SPECC1: variants seen among roughly 807,000 people sequenced by gnomAD.
SPECC1 encodes the protein cytospin-B.
In SPECC1, 62 loss-of-function variants were observed where a neutral mutation model predicts 104.1. That is an observed-to-expected ratio of 0.60 (90% CI 0.49 to 0.74). SPECC1 has a LOEUF of 0.74. SPECC1 is among the 30% of genes least tolerant of loss of function. The probability of loss-of-function intolerance (pLI) is 0.00; values close to 1 mark genes in which losing one functional copy is unlikely to be tolerated. For synonymous variants in SPECC1, 513 were observed against 501.6 expected, an observed-to-expected ratio of 1.02 and a Z score of -0.30; for missense variants, 1,306 against 1,310.5, an observed-to-expected ratio of 1.00 and a Z score of 0.05.
intron 1 of SPECC1, chr17:20,056,336 A>C: frequency 5.3e-6 from 1 of 189,710 alleles, no homozygotes; most frequent in Non-Finnish European, 1.1e-5. Flanking sequence ...GGGAACCCGC[A>C]GAAGCCTGCA....
chr17:20,162,530 G>C (rs192873498), intron 3 of SPECC1, among the ~76,000 whole-genome samples: 8 of 151,614 alleles, frequency 5.3e-5, no homozygotes, highest in Admixed American at 4.0e-4. Flanking sequence ...GATTGTTGTG[G>C]TGATTCATAG....
At chr17:20,257,353 A>C in intron 10 of SPECC1, 98 bp from the exon 11 acceptor site, 1 of 1,355,074 alleles carries the variant, frequency 7.4e-7, no homozygotes, top group Non-Finnish European at 9.9e-7. Context: ...TTTGCACTTG[A>C]GGATAAAATG....
intron 3 of SPECC1, among the ~76,000 whole-genome samples, chr17:20,140,210 A>G (rs2030600927): frequency 6.6e-6 from 1 of 152,190 alleles, no homozygotes; most frequent in South Asian, 2.1e-4. Flanking sequence ...ATATAACTGC[A>G]CATTTGTTCA....
chr17:20,220,537 T>C (rs2037807157), intron 4 of SPECC1, among the ~76,000 whole-genome samples: 1 of 150,648 alleles, frequency 6.6e-6, no homozygotes, highest in Non-Finnish European at 1.5e-5. Flanking sequence ...GCAACTTCAC[T>C]GAATTTATCA....
rs781646291 is a variant in SPECC1 at position 20,110,493 on chromosome 17, C to T, written c.214C>T (p.Arg72Cys). The T allele has an allele frequency of 1.5e-5, 24 of 1,613,866 alleles. 1 individual carries two copies. Among genetic ancestry groups the T allele is most frequent in the Admixed American group, 6.7e-5 (4 of 59,994 alleles). The change falls in exon 3 of 15, where the codon CGC becomes TGC. Residue 72 changes from arginine to cysteine, a missense_variant. By Grantham distance (180) the Arg-to-Cys change is radical. Transcript: ENST00000395527. Reference protein sequence around the residue: ...PGSTAASGVVRLKKTATAGAI... With the variant: ...PGSTAASGVVCLKKTATAGAI... ...AAGTACCGCTGCATCGGGGGTGGTT[C>T]GCCTGAAGAAGACCGCCACTGCCGG...
At chr17:20,085,216 T>C (rs2047130158) in intron 1 of SPECC1, among the ~76,000 whole-genome samples, 1 of 152,164 alleles carries the variant, frequency 6.6e-6, no homozygotes, top group East Asian at 1.9e-4. Flanking sequence ...GAGCACTTGG[T>C]GTGCCTTATC....
chr17:20,232,710 T>A (rs554786759), intron 7 of SPECC1, among the ~76,000 whole-genome samples: 1 of 152,322 alleles, frequency 6.6e-6, no homozygotes, highest in Admixed American at 6.5e-5. Flanking sequence ...TTAGTATTTA[T>A]TAATGCAGGG....
intron 1 of SPECC1, among the ~76,000 whole-genome samples, chr17:20,068,100 G>C (rs1427560402): frequency 1.3e-5 from 2 of 152,072 alleles, no homozygotes; most frequent in Non-Finnish European, 2.9e-5. Context: ...CAAGTAGCTG[G>C]GACCACAGAT....
Position 20,182,119 on chromosome 17 carries a change from C to CTTTTT in SPECC1, c.284-22208_284-22204dup, listed in dbSNP as rs57991209. Among the ~76,000 whole-genome samples the CTTTTT allele has an allele frequency of 2.5e-4, 34 of 136,550 alleles. 7 individuals carry two copies. The highest frequency in any genetic ancestry group is 3.7e-4 in the Non-Finnish European group (24 of 64,908). 89.6% of individuals were successfully genotyped at this position (136,550 alleles called of 152,430 possible). Reference sequence around the variant, plus strand: ...CAATTTTTTCTTTTTCTTTCTTTTTCTTTTTTTTTTGGAGACAGGGCCTCA... The same window carrying CTTTTT: ...CAATTTTTTCTTTTTCTTTCTTTTTCTTTTTTTTTTTTTTTGGAGACAGGGCCTCA... On this transcript the variant is annotated intron_variant, in intron 3 of 14. Coordinates refer to ENST00000395527, the MANE Select transcript of SPECC1 (RefSeq NM_001243439.2).
chr17:20,260,775 G>A (rs1567589264), intron 12 of SPECC1, among the ~76,000 whole-genome samples: 2 of 152,156 alleles, frequency 1.3e-5, no homozygotes, highest in Non-Finnish European at 2.9e-5. Context: ...ATTAAGCAAA[G>A]TGCAGGAATT....
rs1298156583 is a variant in SPECC1 at position 20,051,129 on chromosome 17, TTTCTTTCTTTCC to T, written c.-22+41713_-22+41724del. ...CTTTCTTTCTTTCTTTCTTTCTTTC[TTTCTTTCTTTCC>T]TTCTTTCCTTCTTTCCTTCTTTCCT... On this transcript the variant is annotated intron_variant, in intron 1 of 14. Transcript: ENST00000395527. 5.1e-3 allele frequency among the ~76,000 whole-genome samples: 498 copies of T among 97,284 alleles called. 1 individual carries two copies. Among genetic ancestry groups the T allele is most frequent in the African/African-American group, 0.015 (338 of 22,230 alleles). 63.8% of individuals were successfully genotyped at this position (97,284 alleles called of 152,430 possible).
At position 20,150,872 on chromosome 17, in the gene SPECC1, T is replaced by C. The variant is rs541690621; in HGVS notation, c.283+40310T>C. Among the ~76,000 whole-genome samples, 18 of 152,272 alleles carry C rather than the reference T, an allele frequency of 1.2e-4. No individual in the cohort carries two copies. The South Asian group carries it at 3.5e-3, about 30-fold the overall frequency. On this transcript the variant is annotated intron_variant, in intron 3 of 14. Coordinates refer to ENST00000395527, the MANE Select transcript of SPECC1 (RefSeq NM_001243439.2). ...TAGTTATTTCTAATAATTTGCTATA[T>C]ACATGTCAAAATTTATTTCTACACA...
chr17:20,128,867 A>G (rs1368301160), intron 3 of SPECC1, among the ~76,000 whole-genome samples: 2 of 152,056 alleles, frequency 1.3e-5, no homozygotes, highest in Non-Finnish European at 1.5e-5. Flanking sequence ...AGGGTGAAAT[A>G]TATTTCATAT....
intron 3 of SPECC1, among the ~76,000 whole-genome samples, chr17:20,157,323 C>G (rs1464129266): frequency 6.6e-6 from 1 of 152,056 alleles, no homozygotes; most frequent in Admixed American, 6.5e-5. Context: ...GACGGGCTGT[C>G]CAAGTTTCTT....
chr17:20,222,841 A>G, intron 4 of SPECC1, among the ~76,000 whole-genome samples: 1 of 151,840 alleles, frequency 6.6e-6, no homozygotes, highest in East Asian at 1.9e-4. Context: ...GAAAGTCTCT[A>G]TTTCTCTGTC....
At chr17:20,072,744 G>C (rs1276329613) in intron 1 of SPECC1, among the ~76,000 whole-genome samples, 1 of 152,206 alleles carries the variant, frequency 6.6e-6, no homozygotes, top group Non-Finnish European at 1.5e-5. Flanking sequence ...TCTCTGCCAT[G>C]CAAGAGCAGA....
intron 12 of SPECC1, among the ~76,000 whole-genome samples, chr17:20,276,546 T>C (rs1029280632): frequency 3.3e-5 from 5 of 152,228 alleles, no homozygotes; most frequent in African/African-American, 1.2e-4. Flanking sequence ...TTCTTGTGGC[T>C]GTATGTGTTT....
At chr17:20,099,201 C>G (rs1258497521) in intron 2 of SPECC1, among the ~76,000 whole-genome samples, 1 of 152,026 alleles carries the variant, frequency 6.6e-6, no homozygotes, top group Non-Finnish European at 1.5e-5. Flanking sequence ...AACATCATTT[C>G]CATTATTTTT....
rs1200967533 is a variant in SPECC1, at chr17:20,204,748, C to G, written c.699C>G (p.Asn233Lys). 1 of 1,613,978 alleles carries G rather than the reference C, an allele frequency of 6.2e-7. No individual in the cohort carries two copies. The highest frequency in any genetic ancestry group is 1.3e-5 in the African/African-American group (1 of 74,886). Residue 233 changes from asparagine (N) to lysine (K), a missense_variant, in exon 4 of 15, where the codon AAC (asparagine) becomes AAG (lysine). Asn to Lys is a moderately conservative substitution (Grantham distance 94). Transcript: ENST00000395527. ...EPMIRALEEKNKNFQKELSDL... is the reference protein window; with the variant it reads ...EPMIRALEEKKKNFQKELSDL... ...TGATAAGAGCTCTTGAGGAGAAGAACAAGAACTTTCAGAAAGAGCTTTCCG... is the reference window on the plus strand; with the variant it reads ...TGATAAGAGCTCTTGAGGAGAAGAAGAAGAACTTTCAGAAAGAGCTTTCCG...
Sources: gnomAD v4.1 joint callset for allele counts (sites outside exome capture counted in the v4.1 genomes callset) on GRCh38, gnomAD v4.1.1 for gene constraint, MANE v1.5 for transcripts, NCBI Gene and HGNC (gene_info 2026-07-23, HGNC 2026-07-21) for gene names.